The following NEK1 variants were observed in gnomAD, a reference collection of about 807,000 sequenced individuals.
NEK1 encodes the protein NIMA related kinase 1.
A neutral mutation model predicts 182.1 loss-of-function variants in NEK1; 137 were observed. The observed-to-expected ratio is 0.75, with a 90% confidence interval of 0.65 to 0.87. The LOEUF is 0.87. NEK1 is among the 40% of genes least tolerant of loss of function. The probability of loss-of-function intolerance (pLI) is 0.00; values close to 1 mark genes in which losing one functional copy is unlikely to be tolerated. For missense variants in NEK1, 1,391 were observed against 1,494.4 expected (o/e 0.93, Z 1.14); for synonymous variants, 513 against 492.2 (o/e 1.04, Z -0.56).
intron 19 of NEK1, among the ~76,000 whole-genome samples, chr4:169,531,856 C>T (rs1757731299): frequency 6.6e-6 from 1 of 152,094 alleles, no homozygotes; most frequent in African/African-American, 2.4e-5. Context: ...ATCCGATGAG[C>T]TTTAAAAGCA....
rs573358767 is a variant in NEK1, at chr4:169,508,891, A to T, written c.1666-39T>A. On this transcript the variant is annotated intron_variant, in intron 19 of 35. Transcript: ENST00000507142. ...AATGTACTAAGTTTAAAGAATGACT[A>T]AGGCTACATTATTATCTTACCAAGG... is the stretch of plus-strand genomic sequence containing the variant. 5.0e-5 allele frequency: 73 copies of T among 1,469,206 alleles called. No individual in the cohort carries two copies. The East Asian group carries it at 1.6e-3, about 32-fold the overall frequency. 91.0% of individuals were successfully genotyped at this position (1,469,206 alleles called of 1,614,324 possible). A position where few individuals can be genotyped will look rare whatever the true frequency, so the allele number is the denominator to read the frequency against.
chr4:169,569,163 CT>C, intron 12 of NEK1, among the ~76,000 whole-genome samples: 1 of 152,078 alleles, frequency 6.6e-6, no homozygotes, highest in Non-Finnish European at 1.5e-5. Context: ...AACCAAATAA[CT>C]TTAATAAAGT....
At chr4:169,475,286 G>A (rs1746737912) in intron 26 of NEK1, among the ~76,000 whole-genome samples, 1 of 152,074 alleles carries the variant, frequency 6.6e-6, no homozygotes, top group African/African-American at 2.4e-5. Context: ...GAGAACACAA[G>A]ACATGAAATA....
chr4:169,418,065 G>A (rs946593766), intron 31 of NEK1, among the ~76,000 whole-genome samples: 12 of 152,170 alleles, frequency 7.9e-5, no homozygotes, highest in African/African-American at 2.9e-4. Context: ...CAAAACAGCT[G>A]GGGAGTTGTA....
intron 31 of NEK1, among the ~76,000 whole-genome samples, chr4:169,412,022 A>G (rs1579387836): frequency 6.6e-6 from 1 of 152,242 alleles, no homozygotes; most frequent in East Asian, 1.9e-4. Flanking sequence ...ATGATCATGT[A>G]TTTTATCATT....
At chr4:169,415,255 C>A (rs1734347279) in intron 31 of NEK1, among the ~76,000 whole-genome samples, 1 of 152,186 alleles carries the variant, frequency 6.6e-6, no homozygotes, top group South Asian at 2.1e-4. Context: ...AAGTGTGATA[C>A]CTCATTTTAG....
At chr4:169,424,932 T>C (rs948873723) in intron 30 of NEK1, 132 bp from the exon 31 acceptor site, 3 of 817,134 alleles carry the variant, frequency 3.7e-6, no homozygotes, top group Non-Finnish European at 1.9e-6. Context: ...AATCAAAATA[T>C]GTGTGTCAGT....
intron 5 of NEK1, among the ~76,000 whole-genome samples, chr4:169,591,154 C>G (rs546865749): frequency 7.4e-5 from 11 of 149,580 alleles, no homozygotes; most frequent in East Asian, 3.9e-4. Context: ...GCCCCCCCCC[C>G]ACTTCTTTAG....
intron 31 of NEK1, among the ~76,000 whole-genome samples, chr4:169,415,722 T>A (rs1561147297): frequency 6.6e-6 from 1 of 152,214 alleles, no homozygotes; most frequent in Non-Finnish European, 1.5e-5. Context: ...AATCAAAGCA[T>A]TACTCTGACT....
In NEK1 at chr4:169,568,028, T is replaced by C. The variant is rs551702805; in HGVS notation, c.1021-5832A>G. 3.9e-5 allele frequency among the ~76,000 whole-genome samples: 6 copies of C among 152,330 alleles called. No individual in the cohort carries two copies. The East Asian group carries it at 1.2e-3, about 29-fold the overall frequency. ...GTCAGCCATATGAAGAAACAGATTA[T>C]ACACTTGGCTACAATCCTACCCAAA... On this transcript the variant is annotated intron_variant, in intron 12 of 35. Coordinates refer to ENST00000507142, the MANE Select transcript of NEK1 (RefSeq NM_001199397.3).
intron 23 of NEK1, among the ~76,000 whole-genome samples, chr4:169,481,114 A>G (rs556530266): frequency 2.0e-5 from 3 of 152,290 alleles, no homozygotes; most frequent in South Asian, 4.1e-4. Flanking sequence ...CATCCATTCA[A>G]GTTTATCATG....
In NEK1 at chr4:169,470,325, G is replaced by A. The variant is rs556276429; in HGVS notation, c.2434+6799C>T. Among the ~76,000 whole-genome samples the A allele has an allele frequency of 2.6e-5, 4 of 152,130 alleles. No homozygotes were observed. In the East Asian group the frequency reaches 5.8e-4, roughly 22 times the overall value. On this transcript the variant is annotated intron_variant, in intron 26 of 35. Transcript: ENST00000507142. Reference sequence around the variant, plus strand: ...TGAGCTCTTATAAGGCAGGCCTGGTGGTAACAAAATCCCTTAGCATTTGCT... The same window carrying A: ...TGAGCTCTTATAAGGCAGGCCTGGTAGTAACAAAATCCCTTAGCATTTGCT...
chr4:169,586,872 C>T (rs1479114364), intron 9 of NEK1, among the ~76,000 whole-genome samples: 1 of 151,862 alleles, frequency 6.6e-6, no homozygotes, highest in Non-Finnish European at 1.5e-5. Flanking sequence ...AAAAAAATTT[C>T]ATTTTACAGG....
chr4:169,424,459 A>G (rs1736015931), intron 31 of NEK1, 94 bp downstream of exon 31: 1 of 1,372,820 alleles, frequency 7.3e-7, no homozygotes, highest in African/African-American at 1.5e-5. Flanking sequence ...TGTCTGTGTT[A>G]AGAGATTAAA....
chr4:169,466,820 T>C (rs904805607), intron 26 of NEK1, among the ~76,000 whole-genome samples: 3 of 151,482 alleles, frequency 2.0e-5, no homozygotes, highest in Non-Finnish European at 4.4e-5. Flanking sequence ...TAAATCTTTT[T>C]AAAGAATAAA....
rs1190860482 is a variant in NEK1, at chr4:169,394,177, G to A, written c.*333C>T. 4.9e-6 allele frequency: 1 copy of A among 202,210 alleles called. No homozygotes were observed. The highest frequency in any genetic ancestry group is 9.8e-6 in the Non-Finnish European group (1 of 101,606). The allele number at this position is 202,210 out of a possible 1,614,324, so 12.5% of individuals were successfully genotyped here. A position where few individuals can be genotyped will look rare whatever the true frequency, so the allele number is the denominator to read the frequency against. The stretch of plus-strand genomic sequence containing the variant: ...TAATTCCTTCAACCTAAAGACATTT[G>A]CTGAAACTCAAAGTTACCCTATTGC... On this transcript the variant is annotated 3_prime_UTR_variant, in exon 36 of 36. Coordinates refer to ENST00000507142, the MANE Select transcript of NEK1 (RefSeq NM_001199397.3).
intron 2 of NEK1, among the ~76,000 whole-genome samples, chr4:169,603,598 G>C (rs1236489158): frequency 6.6e-6 from 1 of 150,688 alleles, no homozygotes; most frequent in East Asian, 1.9e-4. Flanking sequence ...GTCACTATTT[G>C]TTATTGTTGT....
At position 169,508,758 on chromosome 4, in the gene NEK1, G is replaced by A. The variant is rs769350914; in HGVS notation, c.1749+11C>T. ...TATGTGATGGAGGTAGCGAACATGC[G>A]GGAAGCATACCTCTTCCTCTTTGTT... On this transcript the variant is annotated intron_variant, in intron 20 of 35. Transcript: ENST00000507142. 1.3e-5 allele frequency: 21 copies of A among 1,556,634 alleles called. No individual in the cohort carries two copies. The highest frequency in any genetic ancestry group is 2.7e-5 in the African/African-American group (2 of 74,110).
chr4:169,518,422 G>T (rs1312119363), intron 19 of NEK1, among the ~76,000 whole-genome samples: 3 of 140,188 alleles, frequency 2.1e-5, no homozygotes, highest in Non-Finnish European at 3.0e-5. Flanking sequence ...CTTAATAGCG[G>T]TCTATCAATT....
Sources: allele counts gnomAD v4.1 joint callset (sites outside exome capture counted in the v4.1 genomes callset), GRCh38; gene constraint gnomAD v4.1.1; transcripts MANE v1.5; gene names NCBI Gene and HGNC (gene_info 2026-07-23, HGNC 2026-07-21).